SLC12A7: variants seen among roughly 807,000 people sequenced by gnomAD.
SLC12A7 encodes solute carrier family 12 member 7.
SLC12A7 carries 100 observed loss-of-function variants against 120.6 expected under a neutral mutation model. That is an observed-to-expected ratio of 0.83 (90% CI 0.71 to 0.98). SLC12A7 has a LOEUF of 0.98. SLC12A7 is among the 50% of genes least tolerant of loss of function. SLC12A7 has a pLI of 0.00. For missense variants in SLC12A7, 1,373 were observed against 1,548.1 expected (o/e 0.89, Z 1.90); for synonymous variants, 760 against 678.0 (o/e 1.12, Z -1.88).
chr5:1,051,643 G>A lies in SLC12A7; in HGVS notation c.*717C>T, dbSNP rs1735051633. 6.6e-6 allele frequency: 1 copy of A among 152,310 alleles called. No individual in the cohort carries two copies. The highest frequency in any genetic ancestry group is 1.5e-5 in the Non-Finnish European group (1 of 68,106). The allele number at this position is 152,310 out of a possible 1,614,324, so 9.4% of individuals were successfully genotyped here. ...CCACAGCTGGGGGCCCCTTCCCGGAGCGTAGGCCCTGATGAACTGAACGTG... is the reference window on the plus strand; with the variant it reads ...CCACAGCTGGGGGCCCCTTCCCGGAACGTAGGCCCTGATGAACTGAACGTG... On this transcript the variant is annotated 3_prime_UTR_variant, in exon 24 of 24. Transcript: ENST00000264930.
intron 21 of SLC12A7, 140 bp from the exon 22 acceptor site, chr5:1,057,789 C>A (rs73028807): frequency 3.9e-6 from 3 of 774,178 alleles, no homozygotes; most frequent in Non-Finnish European, 6.1e-6. Flanking sequence ...CCCAGCCTGG[C>A]GTCCCACACT....
At chr5:1,138,917 G>A in the SLC12A7 span, among the ~76,000 whole-genome samples, 4 of 152,222 alleles carry the variant, frequency 2.6e-5, no homozygotes, top group African/African-American at 4.8e-5. Context: ...GTCCTAACAT[G>A]TGCCCTGAGG....
At position 1,081,532 on chromosome 5, in the gene SLC12A7, G is replaced by A. The variant is rs1399530784; in HGVS notation, c.1297+45C>T. 5 of 1,573,482 alleles carry A rather than the reference G, an allele frequency of 3.2e-6. No homozygotes were observed. The African/African-American group carries it at 5.4e-5, about 17-fold the overall frequency. On this transcript the variant is annotated intron_variant, in intron 9 of 23. Coordinates refer to ENST00000264930, the MANE Select transcript of SLC12A7 (RefSeq NM_006598.3). The stretch of plus-strand genomic sequence containing the variant: ...GCAAGACCTTGCCTCAAAAAAGAGA[G>A]GGAGAGAAAGAAAGAGAAGGGGAAG...
intron 1 of SLC12A7, among the ~76,000 whole-genome samples, chr5:1,104,636 C>G (rs565127059): frequency 6.6e-6 from 1 of 151,278 alleles, no homozygotes; most frequent in East Asian, 1.9e-4. Flanking sequence ...ACTCTCATCC[C>G]GGACCCCAGG....
At chr5:1,152,805 C>A in the SLC12A7 span, among the ~76,000 whole-genome samples, 1 of 152,078 alleles carries the variant, frequency 6.6e-6, no homozygotes, top group African/African-American at 2.4e-5. Context: ...GGGAGGCCTG[C>A]GGGGATTACT....
the SLC12A7 span, among the ~76,000 whole-genome samples, chr5:1,153,682 G>C: frequency 6.6e-6 from 1 of 152,196 alleles, no homozygotes; most frequent in Non-Finnish European, 1.5e-5. Context: ...GGACGCCCGA[G>C]AACCCTGCAG....
chr5:1,148,270 G>A, the SLC12A7 span, among the ~76,000 whole-genome samples: 3 of 134,878 alleles, frequency 2.2e-5, no homozygotes, highest in Non-Finnish European at 3.0e-5. Context: ...GCAGTGGTGC[G>A]ATCTCCACTC....
upstream of SLC12A7, among the ~76,000 whole-genome samples, chr5:1,112,538 T>C (rs1376202142): frequency 1.0e-4 from 2 of 20,046 alleles, no homozygotes; most frequent in African/African-American, 2.5e-4. Flanking sequence ...CCCTGCCCTT[T>C]CTGCACCCCC....
At position 1,054,374 on chromosome 5, in the gene SLC12A7, C is replaced by T. The variant is rs1207202416; in HGVS notation, c.3027-892G>A. Among the ~76,000 whole-genome samples, 6 of 152,346 alleles carry T rather than the reference C, an allele frequency of 3.9e-5. No homozygotes were observed. In the East Asian group the frequency reaches 7.7e-4, roughly 20 times the overall value. Reference sequence around the variant, plus strand: ...CAACCAAGTAGGTTTGGGGACACTGCAGAATCATGCTGTGAGGTGCTCAGG... The same window carrying T: ...CAACCAAGTAGGTTTGGGGACACTGTAGAATCATGCTGTGAGGTGCTCAGG... On this transcript the variant is annotated intron_variant, in intron 22 of 23. Transcript: ENST00000264930.
chr5:1,096,065 C>A (rs912935261), intron 1 of SLC12A7, among the ~76,000 whole-genome samples: 1 of 152,158 alleles, frequency 6.6e-6, no homozygotes, highest in Non-Finnish European at 1.5e-5. Context: ...TTCTAGAGAC[C>A]GTGATTGGGC....
At chr5:1,102,233 G>C (rs1742088876) in intron 1 of SLC12A7, among the ~76,000 whole-genome samples, 1 of 152,172 alleles carries the variant, frequency 6.6e-6, no homozygotes, top group African/African-American at 2.4e-5. Flanking sequence ...GAGGCAGTGA[G>C]AGTGTGTGTG....
intron 8 of SLC12A7, among the ~76,000 whole-genome samples, chr5:1,082,431 C>T (rs1437298585): frequency 4.5e-5 from 6 of 133,390 alleles, no homozygotes; most frequent in African/African-American, 8.4e-5. Flanking sequence ...CTGGGCTTCC[C>T]ATCTTGGGTT....
At chr5:1,108,369 G>A (rs1475334575) in intron 1 of SLC12A7, among the ~76,000 whole-genome samples, 1 of 152,220 alleles carries the variant, frequency 6.6e-6, no homozygotes, top group African/African-American at 2.4e-5. Flanking sequence ...TTTTAAAAAG[G>A]GAACTCGATA....
the SLC12A7 span, among the ~76,000 whole-genome samples, chr5:1,140,362 C>T: frequency 1.3e-5 from 2 of 152,244 alleles, no homozygotes; most frequent in Admixed American, 1.3e-4. Flanking sequence ...CACAGCCACA[C>T]CTGCGTCTCC....
rs1168172440 is a variant in SLC12A7 at position 1,112,027 on chromosome 5, G to A, written c.-36C>T. On this transcript the variant is annotated 5_prime_UTR_variant, in exon 1 of 24. Transcript: ENST00000264930. ...AGCCGACAGTCCCCGTCCCGGCCCG[G>A]CCCGCGCTGCGCCGCTCCCGCCGAC... The A allele has an allele frequency of 1.6e-6, 2 of 1,235,816 alleles. No individual in the cohort carries two copies. The highest frequency in any genetic ancestry group is 1.6e-5 in the African/African-American group (1 of 64,394). The allele number at this position is 1,235,816 out of a possible 1,614,324, so 76.6% of individuals were successfully genotyped here.
chr5:1,094,296 C>A (rs1312756297), intron 1 of SLC12A7, 48 bp from the exon 2 acceptor site: 2 of 1,449,224 alleles, frequency 1.4e-6, no homozygotes, highest in Admixed American at 3.3e-5. Context: ...GAACTAAAAG[C>A]AAGCACAGAA....
chr5:1,053,942 G>A (rs1049505263), intron 22 of SLC12A7, among the ~76,000 whole-genome samples: 1 of 152,220 alleles, frequency 6.6e-6, no homozygotes, highest in Non-Finnish European at 1.5e-5. Context: ...GACCCGTCAG[G>A]CTGGGCACAC....
At chr5:1,059,789 C>T (rs1299980919) in intron 21 of SLC12A7, among the ~76,000 whole-genome samples, 7 of 151,924 alleles carry the variant, frequency 4.6e-5, no homozygotes, top group African/African-American at 1.7e-4. Context: ...GTTGGCAACT[C>T]CCCTCCAGCT....
chr5:1,142,074 C>T, the SLC12A7 span, among the ~76,000 whole-genome samples: 1 of 151,724 alleles, frequency 6.6e-6, no homozygotes, highest in Non-Finnish European at 1.5e-5. Context: ...GGGCAGGTGG[C>T]GTCAGGGTGG....
Sources: allele counts gnomAD v4.1 joint callset (sites outside exome capture counted in the v4.1 genomes callset), GRCh38; gene constraint gnomAD v4.1.1; transcripts MANE v1.5; gene names NCBI Gene and HGNC (gene_info 2026-07-23, HGNC 2026-07-21).